The following SPG11 variants were observed in gnomAD, a reference collection of about 807,000 sequenced individuals.
SPG11 encodes the protein spatacsin.
In SPG11, 222 loss-of-function variants were observed where a neutral mutation model predicts 274.0. The ratio of observed to expected loss-of-function variants is 0.81; its 90% CI spans 0.73 to 0.91. The LOEUF (loss-of-function observed/expected upper bound fraction) is 0.91. SPG11 is among the 40% of genes least tolerant of loss of function. The pLI is 0.00. For missense variants in SPG11, 3,114 were observed against 2,872.7 expected, an observed-to-expected ratio of 1.08 and a Z score of -1.92; for synonymous variants, 1,144 against 1,039.7, an observed-to-expected ratio of 1.10 and a Z score of -1.93.
intron 3 of SPG11, among the ~76,000 whole-genome samples, chr15:44,658,668 C>T (rs1035640102): frequency 6.6e-6 from 1 of 152,070 alleles, no homozygotes; most frequent in Non-Finnish European, 1.5e-5. Context: ...ACCATATTGG[C>T]CAGGCTGGTC....
chr15:44,636,503 A>C (rs544005670), intron 7 of SPG11, among the ~76,000 whole-genome samples: 6 of 151,942 alleles, frequency 3.9e-5, no homozygotes, highest in Non-Finnish European at 8.8e-5. Context: ...CTACTAAAAA[A>C]TACAAAAAAT....
At chr15:44,630,919 T>C (rs755702310) in intron 8 of SPG11, among the ~76,000 whole-genome samples, 1 of 151,984 alleles carries the variant, frequency 6.6e-6, no homozygotes, top group African/African-American at 2.4e-5. Context: ...CCACCACATA[T>C]GAGATTTAGG....
At chr15:44,570,268 C>T (rs151100454) in intron 34 of SPG11, among the ~76,000 whole-genome samples, 2 of 152,272 alleles carry the variant, frequency 1.3e-5, no homozygotes, top group African/African-American at 4.8e-5. Context: ...AGTTAACTGC[C>T]CTGACTAGGG....
chr15:44,630,739 A>C (rs1460493597), intron 8 of SPG11, among the ~76,000 whole-genome samples: 1 of 151,876 alleles, frequency 6.6e-6, no homozygotes, highest in East Asian at 1.9e-4. Flanking sequence ...ACCACCACAC[A>C]TGGCTAATTT....
chr15:44,594,221 T>C (rs938587651), intron 26 of SPG11, among the ~76,000 whole-genome samples: 2 of 151,010 alleles, frequency 1.3e-5, no homozygotes, highest in Non-Finnish European at 1.5e-5. Context: ...GGTCAGGAGA[T>C]TGAGACCAGC....
At chr15:44,577,854 G>C (rs778723952) in intron 30 of SPG11, among the ~76,000 whole-genome samples, 6 of 152,108 alleles carry the variant, frequency 3.9e-5, no homozygotes, top group Non-Finnish European at 8.8e-5. Flanking sequence ...GCGAGAGTGT[G>C]TGAATTCCAG....
chr15:44,580,978 G>C (rs1471859749), intron 30 of SPG11, among the ~76,000 whole-genome samples: 1 of 151,992 alleles, frequency 6.6e-6, no homozygotes, highest in Non-Finnish European at 1.5e-5. Context: ...TATTCAAGAA[G>C]CTCAGTAAAC....
chr15:44,614,582 A>G (rs533291287), intron 16 of SPG11, among the ~76,000 whole-genome samples: 3 of 152,232 alleles, frequency 2.0e-5, no homozygotes, highest in Non-Finnish European at 4.4e-5. Flanking sequence ...ATGAGTGCAC[A>G]AATGTGGGCT....
At chr15:44,651,075 G>A (rs1434017818) in intron 6 of SPG11, among the ~76,000 whole-genome samples, 1 of 152,094 alleles carries the variant, frequency 6.6e-6, no homozygotes, top group African/African-American at 2.4e-5. Flanking sequence ...GTAACAGCTG[G>A]AAATTAGAAT....
At chr15:44,572,445 A>G (rs960591443) in intron 33 of SPG11, 3 of 520,746 alleles carry the variant, frequency 5.8e-6, no homozygotes, top group Admixed American at 6.3e-5. Flanking sequence ...TAAGAGTGAA[A>G]TAAGTATGTT....
At chr15:44,612,981 C>T (rs1299152472) in intron 17 of SPG11, among the ~76,000 whole-genome samples, 1 of 152,176 alleles carries the variant, frequency 6.6e-6, no homozygotes, top group Non-Finnish European at 1.5e-5. Context: ...TAAGCCTCTA[C>T]ATCAGCAGCT....
chr15:44,624,487 A>G (rs995383706), intron 11 of SPG11, among the ~76,000 whole-genome samples: 1 of 152,218 alleles, frequency 6.6e-6, no homozygotes, highest in Non-Finnish European at 1.5e-5. Context: ...CTGAACTCAC[A>G]GTAATAGAGA....
At position 44,567,413 on chromosome 15, in the gene SPG11, A is replaced by C; in HGVS notation, c.6754+11T>G. The C allele has an allele frequency of 6.2e-7, 1 of 1,611,530 alleles. No individual in the cohort carries two copies. Among genetic ancestry groups the C allele is most frequent in the Non-Finnish European group, 8.5e-7 (1 of 1,178,890 alleles). On this transcript the variant is annotated intron_variant, in intron 36 of 39. Transcript: ENST00000261866. Reference sequence around the variant, plus strand: ...GCACTGTTCTGGTAGTGTGGCTGTGACCTCACTCACCCCAGGGCTGAGACT... The same window carrying C: ...GCACTGTTCTGGTAGTGTGGCTGTGCCCTCACTCACCCCAGGGCTGAGACT...
At chr15:44,635,932 A>G (rs112127849) in intron 7 of SPG11, among the ~76,000 whole-genome samples, 1 of 151,652 alleles carries the variant, frequency 6.6e-6, no homozygotes. Context: ...AAAAAAAAAG[A>G]AAGAAAAATT....
At chr15:44,593,441 A>C (rs1164059610) in intron 26 of SPG11, among the ~76,000 whole-genome samples, 1 of 152,150 alleles carries the variant, frequency 6.6e-6, no homozygotes, top group East Asian at 1.9e-4. Context: ...CCATCCGCCT[A>C]GGCTTCCCAA....
chr15:44,650,784 G>T (rs1353199673), intron 6 of SPG11, among the ~76,000 whole-genome samples: 1 of 152,014 alleles, frequency 6.6e-6, no homozygotes, highest in Non-Finnish European at 1.5e-5. Context: ...GAGTCTCACT[G>T]TCTCCCAGGC....
Position 44,567,425 on chromosome 15 carries a change from C to T in SPG11, c.6753G>A (p.Trp2251Ter), listed in dbSNP as rs2082333064. Residue 2251 changes from tryptophan (W) to a stop codon, truncating the protein, a stop_gained and splice_region_variant, in exon 36 of 40, where the codon TGG becomes TGA. Coordinates refer to ENST00000261866, the MANE Select transcript of SPG11 (RefSeq NM_025137.4). LOFTEE classifies it high-confidence loss of function. ...IQLKLIESQP[W>*]EDSLKDGHQL... Reference sequence around the variant, plus strand: ...TAGTGTGGCTGTGACCTCACTCACCCCAGGGCTGAGACTCAATCAATTTCA... The same window carrying T: ...TAGTGTGGCTGTGACCTCACTCACCTCAGGGCTGAGACTCAATCAATTTCA... 1.2e-6 allele frequency: 2 copies of T among 1,613,886 alleles called. No homozygotes were observed. The highest frequency in any genetic ancestry group is 1.7e-6 in the Non-Finnish European group (2 of 1,179,942).
chr15:44,627,576 AG>A (rs2083938304), intron 10 of SPG11, among the ~76,000 whole-genome samples: 1 of 152,012 alleles, frequency 6.6e-6, no homozygotes, highest in African/African-American at 2.4e-5. Flanking sequence ...ACAAAAAAGT[AG>A]AAGGAAAAGT....
intron 28 of SPG11, among the ~76,000 whole-genome samples, chr15:44,589,040 T>C (rs111589753): frequency 2.5e-4 from 38 of 152,352 alleles, no homozygotes; most frequent in African/African-American, 8.9e-4. Flanking sequence ...TAGAATGAGA[T>C]GATTGGTTAT....
Sources: allele counts gnomAD v4.1 joint callset (sites outside exome capture counted in the v4.1 genomes callset), GRCh38; gene constraint gnomAD v4.1.1; transcripts MANE v1.5; gene names NCBI Gene and HGNC (gene_info 2026-07-23, HGNC 2026-07-21).